Variants in SPOCK3 observed in about 807,000 individuals in gnomAD.
SPOCK3 encodes the protein SPARC (osteonectin), cwcv and kazal like domains proteoglycan 3.
In SPOCK3, 30 loss-of-function variants were observed where a neutral mutation model predicts 56.6. That is an observed-to-expected ratio of 0.53 (90% confidence interval 0.40 to 0.72). The LOEUF (loss-of-function observed/expected upper bound fraction) is 0.72. Ranked by LOEUF, SPOCK3 falls within the 30% of genes least tolerant of loss-of-function variation. SPOCK3 has a pLI of 0.00. For synonymous variants in SPOCK3, 196 were observed against 183.3 expected (o/e 1.07, Z -0.56); for missense variants, 527 against 530.0 (o/e 0.99, Z 0.06).
intron 4 of SPOCK3, among the ~76,000 whole-genome samples, chr4:166,968,276 A>T (rs1744972509): frequency 6.6e-6 from 1 of 152,202 alleles, no homozygotes; most frequent in South Asian, 2.1e-4. Context: ...TGGGTTGCAA[A>T]TCAAGGTGGC....
intron 6 of SPOCK3, among the ~76,000 whole-genome samples, chr4:166,887,830 C>T (rs1236100360): frequency 2.1e-5 from 3 of 143,112 alleles, no homozygotes; most frequent in African/African-American, 7.8e-5. Context: ...CTCATGCAGC[C>T]AAATACCACC....
chr4:167,082,990 T>C (rs1328289209), intron 2 of SPOCK3, among the ~76,000 whole-genome samples: 3 of 152,042 alleles, frequency 2.0e-5, no homozygotes, highest in African/African-American at 7.2e-5. Flanking sequence ...ATTCTTGGGT[T>C]CACAGATAAG....
intron 2 of SPOCK3, among the ~76,000 whole-genome samples, chr4:167,228,997 C>T (rs1006804832): frequency 3.3e-5 from 5 of 152,154 alleles, no homozygotes; most frequent in Non-Finnish European, 5.9e-5. Flanking sequence ...GAAAAACACT[C>T]ATGATAATGC....
chr4:167,023,828 C>T (rs1371851046), intron 3 of SPOCK3, among the ~76,000 whole-genome samples: 1 of 151,948 alleles, frequency 6.6e-6, no homozygotes, highest in African/African-American at 2.4e-5. Flanking sequence ...GAAAGTAAAC[C>T]CTGCTGAATA....
At chr4:166,831,758 G>A (rs113735016) in intron 6 of SPOCK3, among the ~76,000 whole-genome samples, 1 of 50,580 alleles carries the variant, frequency 2.0e-5, no homozygotes, top group African/African-American at 4.3e-5. Context: ...CTCCATTTTT[G>A]TTTTTTTTTT....
chr4:167,051,486 T>C (rs1026492087), intron 3 of SPOCK3, among the ~76,000 whole-genome samples: 5 of 152,218 alleles, frequency 3.3e-5, no homozygotes, highest in African/African-American at 1.2e-4. Flanking sequence ...TAAACAATCG[T>C]GCTATTTCAG....
Position 167,131,836 on chromosome 4 carries a change from A to G in SPOCK3, c.190-69299T>C, listed in dbSNP as rs1011549430. 3.3e-5 allele frequency among the ~76,000 whole-genome samples: 5 copies of G among 152,348 alleles called. No individual in the cohort carries two copies. In the East Asian group the frequency reaches 7.7e-4, roughly 24 times the overall value. The stretch of plus-strand genomic sequence containing the variant: ...CTGCAAGAGAAATTATGAGAAACAG[A>G]ACAAACCAACCCATGAAGTATAAGT... On this transcript the variant is annotated intron_variant, in intron 2 of 10. Transcript: ENST00000357545.
intron 4 of SPOCK3, among the ~76,000 whole-genome samples, chr4:166,981,648 C>G (rs2150093391): frequency 6.6e-6 from 1 of 152,322 alleles, no homozygotes; most frequent in African/African-American, 2.4e-5. Context: ...TGTCCACCAA[C>G]TTCATTCAGA....
intron 5 of SPOCK3, among the ~76,000 whole-genome samples, chr4:166,891,541 A>G (rs1407941844): frequency 1.3e-5 from 2 of 152,004 alleles, no homozygotes; most frequent in African/African-American, 4.8e-5. Flanking sequence ...AACACTTTCA[A>G]TGGTATTGTT....
chr4:166,876,405 A>G (rs1483987435), intron 6 of SPOCK3, among the ~76,000 whole-genome samples: 1 of 152,222 alleles, frequency 6.6e-6, no homozygotes, highest in African/African-American at 2.4e-5. Flanking sequence ...TCCGTGGAAG[A>G]GAGTTAAGAA....
chr4:167,023,205 C>T (rs1420761205), intron 3 of SPOCK3, among the ~76,000 whole-genome samples: 3 of 151,880 alleles, frequency 2.0e-5, no homozygotes, highest in Admixed American at 1.3e-4. Flanking sequence ...CGATATGGCA[C>T]AATTCTTCAG....
intron 7 of SPOCK3, among the ~76,000 whole-genome samples, chr4:166,784,707 A>C (rs1464714852): frequency 6.6e-6 from 1 of 152,134 alleles, no homozygotes; most frequent in African/African-American, 2.4e-5. Context: ...TGAAGACAGC[A>C]TGACATAAAG....
chr4:167,127,078 T>C (rs1023711417), intron 2 of SPOCK3, among the ~76,000 whole-genome samples: 1 of 152,180 alleles, frequency 6.6e-6, no homozygotes, highest in Non-Finnish European at 1.5e-5. Flanking sequence ...GTGAGGAGAA[T>C]TGATTGACTG....
chr4:166,804,503 A>G (rs1742947854), intron 6 of SPOCK3, among the ~76,000 whole-genome samples: 1 of 152,160 alleles, frequency 6.6e-6, no homozygotes, highest in African/African-American at 2.4e-5. Flanking sequence ...CCTGAGCTGG[A>G]GGCACATTAT....
chr4:166,841,748 T>C (rs1330609974), intron 6 of SPOCK3, among the ~76,000 whole-genome samples: 1 of 152,262 alleles, frequency 6.6e-6, no homozygotes, highest in African/African-American at 2.4e-5. Context: ...CCAACACTCC[T>C]ACCTCCTGCT....
intron 2 of SPOCK3, among the ~76,000 whole-genome samples, chr4:167,064,869 G>A (rs1755950087): frequency 6.6e-6 from 1 of 151,434 alleles, no homozygotes; most frequent in African/African-American, 2.4e-5. Context: ...TAAAGGAGGT[G>A]CTAAATCTTA....
At chr4:167,143,493 C>A (rs946912824) in intron 2 of SPOCK3, among the ~76,000 whole-genome samples, 4 of 151,950 alleles carry the variant, frequency 2.6e-5, no homozygotes, top group African/African-American at 7.2e-5. Context: ...AGTTCCCTCT[C>A]ATCCTGGATA....
At chr4:167,053,483 G>A (rs1272778909) in intron 3 of SPOCK3, among the ~76,000 whole-genome samples, 10 of 152,002 alleles carry the variant, frequency 6.6e-5, no homozygotes, top group Non-Finnish European at 1.0e-4. Context: ...TCAAGAGTTC[G>A]AGACCACCCT....
intron 2 of SPOCK3, among the ~76,000 whole-genome samples, chr4:167,164,333 A>T (rs1462785282): frequency 6.6e-5 from 10 of 152,140 alleles, no homozygotes; most frequent in Non-Finnish European, 1.2e-4. Context: ...ATTTAAAAGT[A>T]TTTATTTGTT....
Sources: gnomAD v4.1 joint callset for allele counts (sites outside exome capture counted in the v4.1 genomes callset) on GRCh38, gnomAD v4.1.1 for gene constraint, MANE v1.5 for transcripts, NCBI Gene and HGNC (gene_info 2026-07-23, HGNC 2026-07-21) for gene names.